RYR2: variants seen among roughly 807,000 people sequenced by gnomAD.
The protein encoded by RYR2 is cardiac muscle ryanodine receptor-calcium release channel.
A neutral mutation model predicts 601.1 loss-of-function variants in RYR2; 227 were observed. That is an observed-to-expected ratio of 0.38 (90% CI 0.34 to 0.42). RYR2 has a LOEUF of 0.42. Among genes scored for constraint, RYR2 ranks in the 10% least tolerant of loss-of-function variants. The pLI, the probability that RYR2 is intolerant of heterozygous loss-of-function variation, is 1.00. For missense variants in RYR2, 4,646 were observed against 6,156.5 expected, an observed-to-expected ratio of 0.75 and a Z score of 8.21; for synonymous variants, 2,223 against 2,175.1, an observed-to-expected ratio of 1.02 and a Z score of -0.61.
chr1:237,057,352 A>C (rs986045821), intron 1 of RYR2, among the ~76,000 whole-genome samples: 2 of 151,858 alleles, frequency 1.3e-5, no homozygotes, highest in Admixed American at 6.6e-5. Flanking sequence ...CGCCCGGCTA[A>C]TTTTCTGTAT....
intron 2 of RYR2, among the ~76,000 whole-genome samples, chr1:237,279,992 A>G (rs143262911): frequency 6.6e-6 from 1 of 152,356 alleles, no homozygotes; most frequent in Non-Finnish European, 1.5e-5. Flanking sequence ...TGGGCCTTGT[A>G]GATGTAACAA....
chr1:237,112,548 C>A (rs552743573), intron 1 of RYR2, among the ~76,000 whole-genome samples: 1 of 146,116 alleles, frequency 6.8e-6, no homozygotes, highest in Non-Finnish European at 1.5e-5. Flanking sequence ...TTCCCCCTAC[C>A]TCTTCTTTCT....
chr1:237,302,804 A>T (rs1217861027), intron 2 of RYR2, among the ~76,000 whole-genome samples: 1 of 152,222 alleles, frequency 6.6e-6, no homozygotes, highest in Non-Finnish European at 1.5e-5. Context: ...TATATGAAAT[A>T]AATATCTCTG....
chr1:237,483,294 A>T (rs1038637964), intron 17 of RYR2, among the ~76,000 whole-genome samples: 2 of 152,052 alleles, frequency 1.3e-5, no homozygotes, highest in Non-Finnish European at 2.9e-5. Flanking sequence ...CATTTGCCTT[A>T]TTTTATTTCA....
At chr1:237,683,805 G>A (rs1232920469) in intron 62 of RYR2, among the ~76,000 whole-genome samples, 1 of 152,174 alleles carries the variant, frequency 6.6e-6, no homozygotes, top group South Asian at 2.1e-4. Flanking sequence ...TGATGAGAGT[G>A]GGAGAGTTGG....
At chr1:237,547,918 G>A (rs1361555922) in intron 25 of RYR2, among the ~76,000 whole-genome samples, 1 of 151,972 alleles carries the variant, frequency 6.6e-6, no homozygotes, top group African/African-American at 2.4e-5. Flanking sequence ...CCTAAATAAC[G>A]TAACTAGGAA....
intron 76 of RYR2, among the ~76,000 whole-genome samples, chr1:237,727,457 T>C (rs2149143848): frequency 6.6e-6 from 1 of 152,274 alleles, no homozygotes; most frequent in East Asian, 1.9e-4. Flanking sequence ...TTAGGAGTTC[T>C]TTCTTTGTCC....
chr1:237,494,649 A>G (rs1324491964), intron 19 of RYR2, among the ~76,000 whole-genome samples: 1 of 152,224 alleles, frequency 6.6e-6, no homozygotes, highest in Admixed American at 6.5e-5. Flanking sequence ...TAAATAAATG[A>G]TAAGAAATAA....
At chr1:237,284,721 C>T (rs1691353421) in intron 2 of RYR2, among the ~76,000 whole-genome samples, 1 of 150,244 alleles carries the variant, frequency 6.7e-6, no homozygotes, top group African/African-American at 2.5e-5. Flanking sequence ...CCCACACACA[C>T]AGCACAGTTT....
intron 1 of RYR2, among the ~76,000 whole-genome samples, chr1:237,142,553 C>T (rs1673503014): frequency 6.6e-6 from 1 of 152,114 alleles, no homozygotes; most frequent in Non-Finnish European, 1.5e-5. Context: ...AAGGGGAACC[C>T]TACAACCTGA....
At chr1:237,730,445 GA>G (rs1690579785) in intron 77 of RYR2, 89 bp downstream of exon 77, 1 of 669,796 alleles carries the variant, frequency 1.5e-6, no homozygotes, top group South Asian at 1.9e-5. Flanking sequence ...AACATTGAAG[GA>G]AAAAATATCA....
At chr1:237,464,679 T>A (rs960426221) in intron 16 of RYR2, among the ~76,000 whole-genome samples, 7 of 152,196 alleles carry the variant, frequency 4.6e-5, no homozygotes, top group African/African-American at 9.7e-5. Flanking sequence ...AACACAGTTT[T>A]CTCCATGCTA....
At chr1:237,347,656 A>C (rs1698417513) in intron 3 of RYR2, among the ~76,000 whole-genome samples, 1 of 152,074 alleles carries the variant, frequency 6.6e-6, no homozygotes, top group Non-Finnish European at 1.5e-5. Flanking sequence ...CCTCGTTTAA[A>C]AATGTAGAGG....
At chr1:237,247,146 C>T (rs1483613042) in intron 1 of RYR2, among the ~76,000 whole-genome samples, 1 of 152,060 alleles carries the variant, frequency 6.6e-6, no homozygotes, top group Non-Finnish European at 1.5e-5. Context: ...GCCTTATAAA[C>T]CCTATAATGA....
chr1:237,570,125 G>A (rs1672517190), intron 29 of RYR2, among the ~76,000 whole-genome samples: 1 of 151,468 alleles, frequency 6.6e-6, no homozygotes, highest in Non-Finnish European at 1.5e-5. Context: ...GGCTGAGGCA[G>A]GAGAATTGCT....
chr1:237,523,736 CAA>C (rs71180032), intron 24 of RYR2, among the ~76,000 whole-genome samples: 18 of 138,926 alleles, frequency 1.3e-4, no homozygotes, highest in East Asian at 4.1e-4. Context: ...GATTCTGTCT[CAA>C]AAAAAAAAAA....
In RYR2 at chr1:237,674,826, A is replaced by G. The variant is rs1349926993; in HGVS notation, c.8810A>G (p.His2937Arg). 2 of 1,606,702 alleles carry G rather than the reference A, an allele frequency of 1.2e-6. No homozygotes were observed. Among genetic ancestry groups the G allele is most frequent in the Admixed American group, 3.3e-5 (2 of 59,894 alleles). Residue 2937 changes from histidine (H) to arginine (R), a missense_variant, in exon 60 of 105, where the codon CAT (histidine) becomes CGT (arginine). His to Arg is a conservative substitution (Grantham distance 29). This residue lies in a region of RYR2 where 1,497 missense variants were observed against 1,842.6 expected (regional missense o/e 0.81). Transcript: ENST00000366574. ...CTCATTCGCTATGTGGATGAAGCCC[A>G]TCAGTATATCCTGGAGTTTGGTAGG... is the stretch of plus-strand genomic sequence containing the variant. ...QQLIRYVDEA[H>R]QYILEFDGGS...
intron 73 of RYR2, among the ~76,000 whole-genome samples, chr1:237,719,667 C>G (rs904571162): frequency 3.9e-5 from 6 of 152,092 alleles, no homozygotes; most frequent in African/African-American, 1.4e-4. Context: ...CACCAGGCCC[C>G]GCCTCCAACA....
intron 101 of RYR2, among the ~76,000 whole-genome samples, chr1:237,822,741 G>T (rs989474147): frequency 6.6e-6 from 1 of 152,142 alleles, no homozygotes; most frequent in African/African-American, 2.4e-5. Flanking sequence ...TGGCAAATTG[G>T]ATAAAGAGTC....
Sources: allele counts gnomAD v4.1 joint callset (sites outside exome capture counted in the v4.1 genomes callset), GRCh38; gene constraint gnomAD v4.1.1; regional missense constraint gnomAD v4.1.1; transcripts MANE v1.5; gene names NCBI Gene and HGNC (gene_info 2026-07-23, HGNC 2026-07-21).